Variants in APBA1 observed in about 807,000 individuals in gnomAD.
APBA1 encodes the protein amyloid-beta A4 precursor protein-binding family A member 1.
APBA1 carries 55 observed loss-of-function variants against 86.6 expected under a neutral mutation model. The ratio of observed to expected loss-of-function variants is 0.64; its 90% CI spans 0.51 to 0.80. The LOEUF (loss-of-function observed/expected upper bound fraction) is 0.80, where lower values mean the gene tolerates loss of function less well. APBA1 is among the 30% of genes least tolerant of loss of function. APBA1 has a pLI of 0.00. For missense variants in APBA1, 1,090 were observed against 1,183.0 expected (o/e 0.92, Z 1.15); for synonymous variants, 511 against 493.9 (o/e 1.03, Z -0.46).
intron 2 of APBA1, among the ~76,000 whole-genome samples, chr9:69,477,110 C>T (rs778627678): frequency 6.6e-6 from 1 of 152,128 alleles, no homozygotes; most frequent in African/African-American, 2.4e-5. Flanking sequence ...CAGCAGGGGG[C>T]GGCGGAGCCA....
intron 11 of APBA1, 63 bp from the exon 12 acceptor site, chr9:69,432,739 C>T: frequency 7.2e-7 from 1 of 1,396,238 alleles, no homozygotes; most frequent in African/African-American, 1.5e-5. Flanking sequence ...GGAAGGCCGT[C>T]TTTCCTGAAA....
Position 69,516,435 on chromosome 9 carries a change from G to C in APBA1, c.776C>G (p.Pro259Arg). Reference sequence around the variant, plus strand: ...CTCCTGCTCGTAGCTGTCCATGCGCGGGTAGGGCGCGAACTCGGCCTCCTT... The same window carrying C: ...CTCCTGCTCGTAGCTGTCCATGCGCCGGTAGGGCGCGAACTCGGCCTCCTT... ...PEKEAEFAPY[P>R]RMDSYEQEED... is the part of the protein sequence containing the mutation. The change falls in exon 2 of 13, where the codon CCG becomes CGG. Residue 259 changes from proline to arginine, a missense_variant. By Grantham distance (103) the Pro-to-Arg change is moderately radical (BLOSUM62 -2). Coordinates refer to ENST00000265381, the MANE Select transcript of APBA1 (RefSeq NM_001163.4). The surrounding 1 kb of genome is among the most constrained non-coding windows in gnomAD (Gnocchi z 7.3). 12 of 1,604,670 alleles carry C rather than the reference G, an allele frequency of 7.5e-6. No homozygotes were observed. Among genetic ancestry groups the C allele is most frequent in the Non-Finnish European group, 9.3e-6 (11 of 1,178,712 alleles).
chr9:69,443,895 C>T (rs1834865214), intron 10 of APBA1, among the ~76,000 whole-genome samples: 1 of 152,166 alleles, frequency 6.6e-6, no homozygotes, highest in South Asian at 2.1e-4. Context: ...CAGAACAAAT[C>T]TGTGTCCCCA....
intron 1 of APBA1, among the ~76,000 whole-genome samples, chr9:69,554,480 G>T (rs1027584913): frequency 1.4e-4 from 22 of 152,226 alleles, no homozygotes; most frequent in Admixed American, 1.1e-3. Context: ...ACTCACTTGT[G>T]ATCCATTAGT....
chr9:69,444,844 C>T (rs189701047), intron 10 of APBA1, among the ~76,000 whole-genome samples: 14 of 152,286 alleles, frequency 9.2e-5, no homozygotes, highest in South Asian at 4.1e-4. Flanking sequence ...TTCAGGGAAG[C>T]GCACCCTCTC....
At chr9:69,515,975 G>T in intron 2 of APBA1, 36 bp downstream of exon 2, 1 of 1,481,276 alleles carries the variant, frequency 6.8e-7, no homozygotes, top group Non-Finnish European at 9.1e-7. Context: ...CTCCCACCGC[G>T]TGGGGCCGAG....
chr9:69,666,745 G>A, intron 1 of APBA1, among the ~76,000 whole-genome samples: 1 of 152,080 alleles, frequency 6.6e-6, no homozygotes, highest in East Asian at 1.9e-4. Context: ...TGAAAAATGT[G>A]GGGTTTTTAA....
intron 1 of APBA1, among the ~76,000 whole-genome samples, chr9:69,623,524 TGGG>T (rs1564094969): frequency 1.3e-5 from 2 of 152,114 alleles, no homozygotes. Context: ...AGGAAGTGGA[TGGG>T]TCAAAGAAAA....
At chr9:69,514,658 CA>C (rs1464691999) in intron 2 of APBA1, among the ~76,000 whole-genome samples, 1 of 152,114 alleles carries the variant, frequency 6.6e-6, no homozygotes, top group Non-Finnish European at 1.5e-5. Flanking sequence ...TCTGTAATCC[CA>C]GCACTTGGGG....
chr9:69,537,331 C>A (rs571759049), intron 1 of APBA1, among the ~76,000 whole-genome samples: 1 of 152,000 alleles, frequency 6.6e-6, no homozygotes, highest in African/African-American at 2.4e-5. Context: ...AACTGTCTTA[C>A]GAATACTTCA....
At chr9:69,633,358 C>A (rs994973044) in intron 1 of APBA1, among the ~76,000 whole-genome samples, 31 of 151,988 alleles carry the variant, frequency 2.0e-4, no homozygotes, top group Admixed American at 1.8e-3. Context: ...TTTCAACATA[C>A]AGCCGTGCAA....
intron 11 of APBA1, among the ~76,000 whole-genome samples, chr9:69,437,239 T>C (rs992226497): frequency 2.6e-5 from 4 of 151,612 alleles, no homozygotes; most frequent in African/African-American, 9.7e-5. Flanking sequence ...TAAAATTATC[T>C]TTTTTGGTTG....
rs146994331 is a variant in APBA1 at position 69,446,685 on chromosome 9, G to A, written c.2181+2899C>T. Among the ~76,000 whole-genome samples the A allele has an allele frequency of 6.0e-3, 920 of 152,278 alleles. 3 individuals are homozygous for A. Among genetic ancestry groups the A allele is most frequent in the Non-Finnish European group, 6.6e-3 (451 of 68,028 alleles). ...CACGCAGATAAGGAAGGAGCGATTC[G>A]CAGGAGGGTGGGGACTCACTGGCCA... is the stretch of plus-strand genomic sequence containing the variant. On this transcript the variant is annotated intron_variant, in intron 10 of 12. Coordinates refer to ENST00000265381, the MANE Select transcript of APBA1 (RefSeq NM_001163.4).
At chr9:69,570,829 A>C (rs1162586740) in intron 1 of APBA1, among the ~76,000 whole-genome samples, 4 of 152,206 alleles carry the variant, frequency 2.6e-5, no homozygotes, top group African/African-American at 9.6e-5. Flanking sequence ...CCCCACGGCG[A>C]TTGATTACCA....
intron 1 of APBA1, 40 bp from the exon 2 acceptor site, chr9:69,517,319 A>G: frequency 1.4e-6 from 2 of 1,390,812 alleles, no homozygotes; most frequent in Non-Finnish European, 1.9e-6. Context: ...ACGTGGTGCA[A>G]ACAGTCGTTA....
At chr9:69,517,768 G>A (rs942257490) in intron 1 of APBA1, among the ~76,000 whole-genome samples, 2 of 152,170 alleles carry the variant, frequency 1.3e-5, no homozygotes, top group South Asian at 4.1e-4. Context: ...CAGCAGTGGG[G>A]TCCCGCCCCG....
intron 1 of APBA1, among the ~76,000 whole-genome samples, chr9:69,569,802 C>G (rs1318399787): frequency 6.6e-6 from 1 of 151,984 alleles, no homozygotes; most frequent in African/African-American, 2.4e-5. Flanking sequence ...AATACTGATT[C>G]AAAAATGGCC....
At chr9:69,432,398 T>C in intron 12 of APBA1, 138 bp downstream of exon 12, 1 of 800,622 alleles carries the variant, frequency 1.2e-6, no homozygotes. Flanking sequence ...CAGAGACAGG[T>C]CTGCTTGTTG....
intron 1 of APBA1, among the ~76,000 whole-genome samples, chr9:69,568,544 T>G (rs1837066452): frequency 6.6e-6 from 1 of 152,204 alleles, no homozygotes. Flanking sequence ...ACTGGAACTT[T>G]AAGTATTTCC....
Sources: gnomAD v4.1 joint callset for allele counts (sites outside exome capture counted in the v4.1 genomes callset) on GRCh38, gnomAD v4.1.1 for gene constraint, Gnocchi (gnomAD v3.1) non-coding constraint, MANE v1.5 for transcripts, NCBI Gene and HGNC (gene_info 2026-07-23, HGNC 2026-07-21) for gene names.